PDE6D: variants seen among roughly 807,000 people sequenced by gnomAD.
The protein encoded by PDE6D is phosphodiesterase 6D.
A neutral mutation model predicts 21.9 loss-of-function variants in PDE6D; 10 were observed. The observed-to-expected ratio is 0.46, with a 90% CI of 0.28 to 0.78. The LOEUF (loss-of-function observed/expected upper bound fraction) is 0.78. PDE6D is among the 30% of genes least tolerant of loss of function. The probability of loss-of-function intolerance (pLI) is 0.12; values close to 1 mark genes in which losing one functional copy is unlikely to be tolerated. For missense variants in PDE6D, 139 were observed against 184.8 expected, an observed-to-expected ratio of 0.75 and a Z score of 1.44; for synonymous variants, 59 against 63.5, an observed-to-expected ratio of 0.93 and a Z score of 0.34.
Position 231,756,879 on chromosome 2 carries a change from CAA to C in PDE6D, c.51-17693_51-17692del, listed in dbSNP as rs60172790. ...GCTCTATGTGTTAGGTTTAAGTGCT[CAA>C]AAAAAAAAAAAAGATAGTATTCAAT... On this transcript the variant is annotated intron_variant, in intron 1 of 4. Transcript: ENST00000287600. Among the ~76,000 whole-genome samples the C allele has an allele frequency of 6.6e-4, 89 of 134,184 alleles. 1 individual carries two copies. Among genetic ancestry groups the C allele is most frequent in the African/African-American group, 1.4e-3 (51 of 35,598 alleles). 88.0% of individuals were successfully genotyped at this position (134,184 alleles called of 152,430 possible).
intron 1 of PDE6D, among the ~76,000 whole-genome samples, chr2:231,762,004 G>T (rs2048933901): frequency 6.6e-6 from 1 of 152,324 alleles, no homozygotes; most frequent in East Asian, 1.9e-4. Context: ...GACAGGGTGA[G>T]AAAGGCAAGC....
intron 1 of PDE6D, among the ~76,000 whole-genome samples, chr2:231,742,714 AAG>A (rs1251953420): frequency 4.6e-5 from 7 of 152,096 alleles, no homozygotes; most frequent in Non-Finnish European, 7.4e-5. Context: ...CTTCCCAAAG[AAG>A]AGAGTCTCTA....
At chr2:231,740,164 A>G (rs1361846335) in intron 1 of PDE6D, among the ~76,000 whole-genome samples, 1 of 152,122 alleles carries the variant, frequency 6.6e-6, no homozygotes, top group Non-Finnish European at 1.5e-5. Context: ...AAGCTGGTTA[A>G]CTGATGTTCT....
At chr2:231,776,321 C>CAAAAAAA (rs1008155828) in intron 1 of PDE6D, among the ~76,000 whole-genome samples, 1 of 54,038 alleles carries the variant, frequency 1.9e-5, no homozygotes, top group Non-Finnish European at 3.5e-5. Context: ...GACTCCGTCT[C>CAAAAAAA]AAAAAAAAAA....
intron 1 of PDE6D, among the ~76,000 whole-genome samples, chr2:231,769,712 CAA>C (rs1392289125): frequency 1.3e-5 from 2 of 152,164 alleles, no homozygotes; most frequent in African/African-American, 2.4e-5. Flanking sequence ...TTCCTGAGCT[CAA>C]GTGATCCTCC....
chr2:231,749,434 T>C (rs1465951400), intron 1 of PDE6D, among the ~76,000 whole-genome samples: 1 of 152,140 alleles, frequency 6.6e-6, no homozygotes, highest in East Asian at 1.9e-4. Flanking sequence ...AATAACTAGT[T>C]TGCTTTTGAT....
In PDE6D at chr2:231,781,187, G is replaced by A; in HGVS notation, c.-73C>T. The A allele has an allele frequency of 1.4e-6, 2 of 1,475,402 alleles. No individual in the cohort carries two copies. Among genetic ancestry groups the A allele is most frequent in the Non-Finnish European group, 1.9e-6 (2 of 1,060,578 alleles). 91.4% of individuals were successfully genotyped at this position (1,475,402 alleles called of 1,614,324 possible). A position where few individuals can be genotyped will look rare whatever the true frequency, so the allele number is the denominator to read the frequency against. On this transcript the variant is annotated 5_prime_UTR_variant, in exon 1 of 5. Transcript: ENST00000287600. ...CTCGCAGACGGTGCCCAGGAGCCGA[G>A]GATGGAGCCGCAGCCCGGCTTGGAG...
intron 1 of PDE6D, among the ~76,000 whole-genome samples, chr2:231,760,644 T>C (rs1000034235): frequency 6.6e-6 from 1 of 152,180 alleles, no homozygotes; most frequent in African/African-American, 2.4e-5. Context: ...GAATAACTCA[T>C]GATCCCTAAA....
intron 1 of PDE6D, among the ~76,000 whole-genome samples, chr2:231,766,993 CAAAAAAA>C (rs3038045): frequency 1.5e-3 from 54 of 36,680 alleles, no homozygotes; most frequent in African/African-American, 5.6e-3. Flanking sequence ...GACTCCGTCT[CAAAAAAA>C]AAAAAAAAAA....
At chr2:231,749,874 G>T (rs2048824239) in intron 1 of PDE6D, among the ~76,000 whole-genome samples, 1 of 152,056 alleles carries the variant, frequency 6.6e-6, no homozygotes, top group Non-Finnish European at 1.5e-5. Flanking sequence ...GGTTAATGTT[G>T]AAATGAGTTA....
At chr2:231,768,046 A>G (rs1054847968) in intron 1 of PDE6D, among the ~76,000 whole-genome samples, 1 of 151,920 alleles carries the variant, frequency 6.6e-6, no homozygotes, top group Admixed American at 6.6e-5. Context: ...GGGTTTCACC[A>G]TGTTCCCAGG....
chr2:231,746,635 C>G (rs1260161937), intron 1 of PDE6D, among the ~76,000 whole-genome samples: 1 of 151,662 alleles, frequency 6.6e-6, no homozygotes, highest in Non-Finnish European at 1.5e-5. Context: ...ATATAATAAA[C>G]AGATCCACAC....
Position 231,781,142 on chromosome 2 carries a change from C to G in PDE6D, c.-28G>C. ...TGCGGCGGTCGCCGCCCGCGGCTTT[C>G]TCACTCTGGTCGGCGGAGCCTCGCA... On this transcript the variant is annotated 5_prime_UTR_variant, in exon 1 of 5. Transcript: ENST00000287600. 6.2e-7 allele frequency: 1 copy of G among 1,611,130 alleles called. No homozygotes were observed. Among genetic ancestry groups the G allele is most frequent in the Non-Finnish European group, 8.5e-7 (1 of 1,178,924 alleles).
chr2:231,733,634 TG>T (rs2048669733), intron 4 of PDE6D, among the ~76,000 whole-genome samples: 1 of 152,176 alleles, frequency 6.6e-6, no homozygotes, highest in Non-Finnish European at 1.5e-5. Context: ...AGATCCTTCC[TG>T]TAGCTTCTCC....
At chr2:231,768,192 G>A (rs966636257) in intron 1 of PDE6D, among the ~76,000 whole-genome samples, 4 of 151,956 alleles carry the variant, frequency 2.6e-5, no homozygotes, top group Non-Finnish European at 2.9e-5. Flanking sequence ...AGGTATCATG[G>A]GACTCTCAGC....
At chr2:231,756,951 G>T (rs1343509420) in intron 1 of PDE6D, among the ~76,000 whole-genome samples, 2 of 151,508 alleles carry the variant, frequency 1.3e-5, no homozygotes, top group Non-Finnish European at 2.9e-5. Flanking sequence ...ATCTAACCTC[G>T]CTTCCAGATA....
intron 1 of PDE6D, among the ~76,000 whole-genome samples, chr2:231,744,808 T>TA (rs2048780729): frequency 6.6e-6 from 1 of 152,208 alleles, no homozygotes; most frequent in African/African-American, 2.4e-5. Context: ...GCCAGTTCAA[T>TA]ATACATAGTT....
intron 1 of PDE6D, among the ~76,000 whole-genome samples, chr2:231,749,935 C>T (rs1305622140): frequency 6.6e-6 from 1 of 152,064 alleles, no homozygotes; most frequent in Non-Finnish European, 1.5e-5. Context: ...AGTGTGAGGA[C>T]ACGAGATTTG....
At chr2:231,738,203 A>C in intron 2 of PDE6D, 65 bp from the exon 3 acceptor site, 2 of 1,459,410 alleles carry the variant, frequency 1.4e-6, no homozygotes, top group Non-Finnish European at 9.3e-7. Context: ...TGATGCTTCA[A>C]ATTTCTGGGA....
Sources: allele counts gnomAD v4.1 joint callset (sites outside exome capture counted in the v4.1 genomes callset), GRCh38; gene constraint gnomAD v4.1.1; transcripts MANE v1.5; gene names NCBI Gene and HGNC (gene_info 2026-07-23, HGNC 2026-07-21).